The following RABGAP1L variants were observed in gnomAD, a reference collection of about 807,000 sequenced individuals.
The protein encoded by RABGAP1L is rab GTPase-activating protein 1-like.
In RABGAP1L, 63 loss-of-function variants were observed where a neutral mutation model predicts 137.7. That is an observed-to-expected ratio of 0.46 (90% CI 0.37 to 0.56). The LOEUF (loss-of-function observed/expected upper bound fraction) is 0.56. Among genes scored for constraint, RABGAP1L ranks in the 20% least tolerant of loss-of-function variants. The pLI, the probability that RABGAP1L is intolerant of heterozygous loss-of-function variation, is 0.00. For synonymous variants in RABGAP1L, 431 were observed against 433.7 expected, an observed-to-expected ratio of 0.99 and a Z score of 0.08; for missense variants, 1,095 against 1,244.0, an observed-to-expected ratio of 0.88 and a Z score of 1.80.
At chr1:174,989,718 C>T (rs2149401498) in intron 25 of RABGAP1L, 131 bp from the exon 26 acceptor site, 2 of 919,790 alleles carry the variant, frequency 2.2e-6, no homozygotes, top group South Asian at 1.9e-5. Flanking sequence ...CCAATTCAAT[C>T]TCTCCTGGGT....
chr1:174,173,281 C>T (rs182969390), intron 1 of RABGAP1L, among the ~76,000 whole-genome samples: 27 of 152,128 alleles, frequency 1.8e-4, no homozygotes, highest in African/African-American at 6.3e-4. Context: ...CAGGCGTGCA[C>T]CACCATGCCC....
rs1411585818 is a variant in RABGAP1L at position 174,828,716 on chromosome 1, G to A, written c.2340+16756G>A. 2.7e-5 allele frequency among the ~76,000 whole-genome samples: 4 copies of A among 148,344 alleles called. 1 individual carries two copies. The highest frequency in any genetic ancestry group is 9.8e-5 in the African/African-American group (4 of 40,630). ...TTCCTTGTTGTAGCTATGTAGTCAAGCAAACTCCTATTTACCCTTTAGGTT... is the reference window on the plus strand; with the variant it reads ...TTCCTTGTTGTAGCTATGTAGTCAAACAAACTCCTATTTACCCTTTAGGTT... On this transcript the variant is annotated intron_variant, in intron 19 of 25. Transcript: ENST00000681986.
chr1:174,275,769 T>A, intron 8 of RABGAP1L, 64 bp from the exon 9 acceptor site: 2 of 1,187,150 alleles, frequency 1.7e-6, no homozygotes, highest in Non-Finnish European at 2.4e-6. Context: ...TAAAGTAAGA[T>A]GTAATTTAAA....
chr1:174,561,967 A>C (rs1171284000), intron 13 of RABGAP1L, among the ~76,000 whole-genome samples: 1 of 152,206 alleles, frequency 6.6e-6, no homozygotes, highest in Non-Finnish European at 1.5e-5. Flanking sequence ...TGTCCAAAAC[A>C]CTGAAAGCAA....
chr1:174,289,597 A>T (rs1352793590), intron 10 of RABGAP1L, among the ~76,000 whole-genome samples: 1 of 152,180 alleles, frequency 6.6e-6, no homozygotes, highest in Non-Finnish European at 1.5e-5. Context: ...TTAGGAAGTG[A>T]TCACCTCTTC....
intron 19 of RABGAP1L, among the ~76,000 whole-genome samples, chr1:174,862,300 C>G (rs1470066159): frequency 6.6e-6 from 1 of 152,004 alleles, no homozygotes; most frequent in Non-Finnish European, 1.5e-5. Flanking sequence ...TTTCATGTTA[C>G]AACAAAATTT....
chr1:174,849,352 A>G (rs942993810), intron 19 of RABGAP1L, among the ~76,000 whole-genome samples: 1 of 152,190 alleles, frequency 6.6e-6, no homozygotes, highest in African/African-American at 2.4e-5. Context: ...GGGATTCAGG[A>G]TATTTCCCAA....
chr1:174,932,468 A>G (rs370691422), intron 19 of RABGAP1L, among the ~76,000 whole-genome samples: 3 of 152,216 alleles, frequency 2.0e-5, no homozygotes, highest in African/African-American at 7.2e-5. Context: ...GAGCAAGAAT[A>G]TTATAGAAGT....
At chr1:174,814,321 T>C (rs1573326159) in intron 19 of RABGAP1L, among the ~76,000 whole-genome samples, 1 of 152,126 alleles carries the variant, frequency 6.6e-6, no homozygotes, top group Non-Finnish European at 1.5e-5. Flanking sequence ...ATTTGTAAAG[T>C]TTTAATAGTT....
intron 13 of RABGAP1L, among the ~76,000 whole-genome samples, chr1:174,512,042 A>T (rs1489302027): frequency 6.6e-6 from 1 of 152,234 alleles, no homozygotes; most frequent in Non-Finnish European, 1.5e-5. Flanking sequence ...TCATGGGGGT[A>T]CATAATGATA....
At chr1:174,498,753 T>C (rs2012558) in intron 13 of RABGAP1L, among the ~76,000 whole-genome samples, 58,412 of 150,710 alleles carry the variant, frequency 0.39, 14,215 homozygotes, top group African/African-American at 0.69. Context: ...TCAAGTGACC[T>C]ACCAACCTCG....
chr1:174,586,594 T>C (rs1669136114), intron 13 of RABGAP1L, among the ~76,000 whole-genome samples: 1 of 152,100 alleles, frequency 6.6e-6, no homozygotes, highest in African/African-American at 2.4e-5. Context: ...TATATATGTA[T>C]GTATGTATGT....
intron 1 of RABGAP1L, among the ~76,000 whole-genome samples, chr1:174,177,813 G>A (rs1328896458): frequency 6.6e-6 from 1 of 152,068 alleles, no homozygotes; most frequent in African/African-American, 2.4e-5. Context: ...TTATTTCCGA[G>A]GTCTCTATTC....
At chr1:174,427,844 A>G (rs1398221050) in intron 13 of RABGAP1L, among the ~76,000 whole-genome samples, 1 of 152,196 alleles carries the variant, frequency 6.6e-6, no homozygotes, top group African/African-American at 2.4e-5. Flanking sequence ...ACTGTGTGCC[A>G]GGCACTGTAC....
chr1:174,231,480 G>A (rs1285911990), intron 4 of RABGAP1L, 125 bp downstream of exon 4: 4 of 867,722 alleles, frequency 4.6e-6, no homozygotes, highest in East Asian at 4.9e-5. Flanking sequence ...GAGTAAACAT[G>A]TTTAGGCTTA....
chr1:174,856,397 T>TAAAAAAAAAAAAAAAA (rs150232187), intron 19 of RABGAP1L, among the ~76,000 whole-genome samples: 1 of 115,220 alleles, frequency 8.7e-6, no homozygotes. Context: ...TCCCTCTCAA[T>TAAAAAAAAAAAAAAAA]AAAAAAAAAA....
At position 174,608,281 on chromosome 1, in the gene RABGAP1L, A is replaced by G. The variant is rs912933767; in HGVS notation, c.1711-29094A>G. Reference sequence around the variant, plus strand: ...TATCATATGGATCGTTTATAATAATAATTATTCAACAAATATTTGTTCAGC... The same window carrying G: ...TATCATATGGATCGTTTATAATAATGATTATTCAACAAATATTTGTTCAGC... On this transcript the variant is annotated intron_variant, in intron 13 of 25. Transcript: ENST00000681986. Among the ~76,000 whole-genome samples the G allele has an allele frequency of 3.3e-5, 5 of 152,222 alleles. No individual in the cohort carries two copies. The South Asian group carries it at 1.0e-3, about 32-fold the overall frequency.
intron 17 of RABGAP1L, among the ~76,000 whole-genome samples, chr1:174,711,296 G>A (rs979470899): frequency 2.6e-5 from 4 of 152,258 alleles, no homozygotes; most frequent in Non-Finnish European, 4.4e-5. Flanking sequence ...ACAGTGCAGC[G>A]GTGGGCTGAA....
At chr1:174,248,350 GTTTA>G (rs1421468456) in intron 5 of RABGAP1L, among the ~76,000 whole-genome samples, 2 of 152,156 alleles carry the variant, frequency 1.3e-5, no homozygotes, top group Non-Finnish European at 2.9e-5. Flanking sequence ...GAATGAATGA[GTTTA>G]TTGTCTTAAT....
Sources: gnomAD v4.1 joint callset for allele counts (sites outside exome capture counted in the v4.1 genomes callset) on GRCh38, gnomAD v4.1.1 for gene constraint, MANE v1.5 for transcripts, NCBI Gene and HGNC (gene_info 2026-07-23, HGNC 2026-07-21) for gene names.